Variants in CCDC187 observed in about 807,000 individuals in gnomAD.
The protein encoded by CCDC187 is coiled-coil domain containing 187.
A neutral mutation model predicts 38.0 loss-of-function variants in CCDC187; 32 were observed. The observed-to-expected ratio is 0.84, with a 90% CI of 0.64 to 1.13. The LOEUF is 1.13. CCDC187 is among the 50% of genes most tolerant of loss of function. The pLI, the probability that CCDC187 is intolerant of heterozygous loss-of-function variation, is 0.00. For synonymous variants in CCDC187, 333 were observed against 347.9 expected, an observed-to-expected ratio of 0.96 and a Z score of 0.48; for missense variants, 707 against 786.8, an observed-to-expected ratio of 0.90 and a Z score of 1.21.
Position 136,254,228 on chromosome 9 carries a change from G to A in CCDC187, c.5600C>T (p.Pro1867Leu). The change falls in exon 26 of 26, where the codon CCT becomes CTT. Residue 1867 changes from proline (P) to leucine (L), a missense_variant. Coordinates refer to ENST00000638797, the MANE Select transcript of CCDC187 (RefSeq NM_001378188.1). ...CGGGAACACCACACCGGCGGCCTCA[G>A]GGGGTGCCTGGAGGGCTTCTCCTGT... The part of the protein sequence containing the change: ...SDTGEALQAP[P>L]EAAGVVFPLQ... The A allele has an allele frequency of 1.0e-6, 1 of 985,346 alleles. No homozygotes were observed. Among genetic ancestry groups the A allele is most frequent in the Non-Finnish European group, 1.2e-6 (1 of 829,868 alleles). The allele number at this position is 985,346 out of a possible 1,614,324, so 61.0% of individuals were successfully genotyped here.
chr9:136,273,906 C>T (rs144509865), intron 14 of CCDC187, among the ~76,000 whole-genome samples: 1 of 152,258 alleles, frequency 6.6e-6, no homozygotes, highest in South Asian at 2.1e-4. Flanking sequence ...ACACTGAGGG[C>T]TGAAATCACC....
chr9:136,250,310 G>C lies in CCDC187; in HGVS notation c.*3284C>G, dbSNP rs1423216302. 1 of 173,282 alleles carries C rather than the reference G, an allele frequency of 5.8e-6. No individual in the cohort carries two copies. The highest frequency in any genetic ancestry group is 2.4e-5 in the African/African-American group (1 of 41,642). 10.7% of individuals were successfully genotyped at this position (173,282 alleles called of 1,614,324 possible). A position where few individuals can be genotyped will look rare whatever the true frequency, so the allele number is the denominator to read the frequency against. ...CCCTACCACCTGCCAGCGACGCGAGGCACCTGCTGGGCTCCCAGGGAAAGT... is the reference window on the plus strand; with the variant it reads ...CCCTACCACCTGCCAGCGACGCGAGCCACCTGCTGGGCTCCCAGGGAAAGT... On this transcript the variant is annotated 3_prime_UTR_variant, in exon 26 of 26. Coordinates refer to ENST00000638797, the MANE Select transcript of CCDC187 (RefSeq NM_001378188.1).
chr9:136,293,299 A>T lies in CCDC187; in HGVS notation c.833-1004T>A, dbSNP rs1168687415. ...CACTAACATGCTCACACACTCACAA[A>T]CACATGTTCACACACTCACACTCAC... On this transcript the variant is annotated intron_variant, in intron 4 of 25. Coordinates refer to ENST00000638797, the MANE Select transcript of CCDC187 (RefSeq NM_001378188.1). Among the ~76,000 whole-genome samples, 22 of 139,360 alleles carry T rather than the reference A, an allele frequency of 1.6e-4. 2 individuals carry two copies. The highest frequency in any genetic ancestry group is 7.7e-5 in the Non-Finnish European group (5 of 64,564). The allele number at this position is 139,360 out of a possible 152,430, so 91.4% of individuals were successfully genotyped here. A position where few individuals can be genotyped will look rare whatever the true frequency, so the allele number is the denominator to read the frequency against.
Position 136,300,347 on chromosome 9 carries a change from C to A in CCDC187, c.626-29G>T, listed in dbSNP as rs1379099619. On this transcript the variant is annotated intron_variant, in intron 2 of 25. Transcript: ENST00000638797. Reference sequence around the variant, plus strand: ...GAACAGGGTGAAAAGAAGAAGGCAGCGTGAGAAGAGAGATCCGCAAAGAAC... The same window carrying A: ...GAACAGGGTGAAAAGAAGAAGGCAGAGTGAGAAGAGAGATCCGCAAAGAAC... The A allele has an allele frequency of 1.5e-5, 6 of 398,326 alleles. No individual in the cohort carries two copies. The East Asian group carries it at 1.8e-4, about 12-fold the overall frequency. 24.7% of individuals were successfully genotyped at this position (398,326 alleles called of 1,614,324 possible).
chr9:136,288,466 C>T (rs1246203302), intron 7 of CCDC187, among the ~76,000 whole-genome samples: 1 of 152,192 alleles, frequency 6.6e-6, no homozygotes. Context: ...TGGGTGGGAG[C>T]CCCTCCCTGG....
intron 9 of CCDC187, 133 bp downstream of exon 9, chr9:136,285,380 G>A (rs886195211): frequency 2.5e-4 from 100 of 402,776 alleles, no homozygotes; most frequent in Non-Finnish European, 3.6e-4. Context: ...CCAGCATGAC[G>A]GGGACACATG....
chr9:136,272,626 C>T (rs1830858848), intron 14 of CCDC187, among the ~76,000 whole-genome samples: 1 of 151,908 alleles, frequency 6.6e-6, no homozygotes, highest in African/African-American at 2.4e-5. Flanking sequence ...TCGCTTGAAC[C>T]TGCAAGGTGG....
rs1831603830 is a variant in CCDC187, at chr9:136,298,965, G to A, written c.725-1144C>T. Reference sequence around the variant, plus strand: ...CTGCTTCTGGAGAGTTCTCAAACTCGGAGCGTGAAAACGAGGCTGCCAGGA... The same window carrying A: ...CTGCTTCTGGAGAGTTCTCAAACTCAGAGCGTGAAAACGAGGCTGCCAGGA... On this transcript the variant is annotated intron_variant, in intron 3 of 25. Coordinates refer to ENST00000638797, the MANE Select transcript of CCDC187 (RefSeq NM_001378188.1). Among the ~76,000 whole-genome samples the A allele has an allele frequency of 2.0e-5, 3 of 152,178 alleles. No homozygotes were observed. In the South Asian group the frequency reaches 6.2e-4, roughly 32 times the overall value.
intron 14 of CCDC187, among the ~76,000 whole-genome samples, chr9:136,269,153 C>T (rs1213357806): frequency 6.6e-6 from 1 of 152,156 alleles, no homozygotes; most frequent in Non-Finnish European, 1.5e-5. Context: ...GGTAATGACG[C>T]CTGTTTCCAG....
intron 22 of CCDC187, 84 bp from the exon 23 acceptor site, chr9:136,256,925 A>C (rs1038108086): frequency 1.5e-4 from 23 of 152,276 alleles, no homozygotes; most frequent in African/African-American, 5.1e-4. Flanking sequence ...AGCCACATAA[A>C]ACAAATCTTA....
intron 5 of CCDC187, 118 bp from the exon 6 acceptor site, chr9:136,291,763 G>C (rs1380430097): frequency 1.0e-5 from 4 of 397,744 alleles, no homozygotes; most frequent in African/African-American, 4.1e-5. Flanking sequence ...TCGGGCCCCT[G>C]CTGGGCAGAA....
intron 14 of CCDC187, among the ~76,000 whole-genome samples, chr9:136,268,578 G>A (rs1377590423): frequency 6.6e-6 from 1 of 152,186 alleles, no homozygotes; most frequent in Non-Finnish European, 1.5e-5. Context: ...GGAAAAAGGA[G>A]CCTGTACTTC....
chr9:136,302,054 AC>A (rs1271317957), intron 2 of CCDC187, among the ~76,000 whole-genome samples: 2 of 152,036 alleles, frequency 1.3e-5, no homozygotes, highest in Non-Finnish European at 2.9e-5. Context: ...TACTAAAAAT[AC>A]GAAAATTAGC....
chr9:136,259,959 T>C (rs928662569), intron 20 of CCDC187, among the ~76,000 whole-genome samples, 160 bp downstream of exon 20: 17 of 152,180 alleles, frequency 1.1e-4, no homozygotes, highest in African/African-American at 3.9e-4. Flanking sequence ...TGTGCTGAGA[T>C]GCAGAAACAG....
At chr9:136,294,980 C>T (rs1293111895) in intron 4 of CCDC187, among the ~76,000 whole-genome samples, 1 of 152,262 alleles carries the variant, frequency 6.6e-6, no homozygotes, top group Non-Finnish European at 1.5e-5. Context: ...ATCCATGCCT[C>T]AGTTTCCCCA....
At chr9:136,279,747 G>A (rs1381661906) in intron 10 of CCDC187, among the ~76,000 whole-genome samples, 4 of 152,224 alleles carry the variant, frequency 2.6e-5, no homozygotes, top group Non-Finnish European at 4.4e-5. Context: ...GTGCTGCTAT[G>A]GTTTGAACAT....
At chr9:136,282,321 CAG>C (rs1285223579) in intron 9 of CCDC187, among the ~76,000 whole-genome samples, 4 of 152,094 alleles carry the variant, frequency 2.6e-5, no homozygotes, top group African/African-American at 9.7e-5. Context: ...GCAAGGCTGA[CAG>C]AGCCAGGAGC....
intron 10 of CCDC187, among the ~76,000 whole-genome samples, chr9:136,280,259 G>A (rs1356092887): frequency 1.3e-5 from 2 of 152,216 alleles, no homozygotes; most frequent in African/African-American, 4.8e-5. Flanking sequence ...CACTTGCCCT[G>A]AAACACAGGC....
At chr9:136,295,292 C>A (rs894516022) in intron 4 of CCDC187, among the ~76,000 whole-genome samples, 1 of 152,222 alleles carries the variant, frequency 6.6e-6, no homozygotes, top group Non-Finnish European at 1.5e-5. Context: ...CCTGCCCGCC[C>A]GGCCCCTCCA....
Sources: gnomAD v4.1 joint callset for allele counts (sites outside exome capture counted in the v4.1 genomes callset) on GRCh38, gnomAD v4.1.1 for gene constraint, MANE v1.5 for transcripts, NCBI Gene and HGNC (gene_info 2026-07-23, HGNC 2026-07-21) for gene names.